KALRN: variants seen among roughly 807,000 people sequenced by gnomAD.
KALRN encodes the protein kalirin.
KALRN carries 70 observed loss-of-function variants against 353.7 expected under a neutral mutation model. The observed-to-expected ratio is 0.20, with a 90% CI of 0.16 to 0.24. The LOEUF (loss-of-function observed/expected upper bound fraction) is 0.24. KALRN is among the 10% of genes least tolerant of loss of function. The probability of loss-of-function intolerance (pLI) is 1.00; values close to 1 mark genes in which losing one functional copy is unlikely to be tolerated. For missense variants in KALRN, 2,791 were observed against 3,756.7 expected (o/e 0.74, Z 6.72); for synonymous variants, 1,391 against 1,434.8 (o/e 0.97, Z 0.69).
intron 10 of KALRN, among the ~76,000 whole-genome samples, chr3:124,360,578 C>G (rs2083920796): frequency 6.6e-6 from 1 of 152,184 alleles, no homozygotes; most frequent in Admixed American, 6.5e-5. Flanking sequence ...GTTAATGTCT[C>G]TCAGAGAGCA....
Position 124,723,152 on chromosome 3 carries a change from G to C in KALRN, c.*3682G>C, listed in dbSNP as rs2063380034. ...AGAAAGCTAGCTTCACTGCTTTGTGGTCCACAAAGCCTTTATAAATAGTAG... is the reference window on the plus strand; with the variant it reads ...AGAAAGCTAGCTTCACTGCTTTGTGCTCCACAAAGCCTTTATAAATAGTAG... On this transcript the variant is annotated 3_prime_UTR_variant, in exon 60 of 60. Transcript: ENST00000682506. The C allele has an allele frequency of 1.3e-5, 2 of 152,172 alleles. No individual in the cohort carries two copies. The highest frequency in any genetic ancestry group is 4.8e-5 in the African/African-American group (2 of 41,438). The allele number at this position is 152,172 out of a possible 1,614,324, so 9.4% of individuals were successfully genotyped here. A position where few individuals can be genotyped will look rare whatever the true frequency, so the allele number is the denominator to read the frequency against.
At chr3:124,275,852 C>G (rs964107048) in intron 5 of KALRN, among the ~76,000 whole-genome samples, 1 of 151,770 alleles carries the variant, frequency 6.6e-6, no homozygotes, top group Non-Finnish European at 1.5e-5. Flanking sequence ...ATGCAGTGCC[C>G]CTGGGCAGGG....
chr3:124,562,614 A>G, intron 33 of KALRN: 1 of 350,602 alleles, frequency 2.9e-6, no homozygotes, highest in South Asian at 2.2e-5. Context: ...ATTGAATAGC[A>G]CTGTGCTAAT....
At chr3:124,227,323 G>A (rs73186285) in intron 1 of KALRN, among the ~76,000 whole-genome samples, 6,810 of 152,238 alleles carry the variant, frequency 0.045, 292 homozygotes, top group East Asian at 0.18. Flanking sequence ...CAGGAGATTT[G>A]TATCTCCCCA....
chr3:124,369,899 G>A (rs1202505939), intron 10 of KALRN, among the ~76,000 whole-genome samples: 1 of 152,032 alleles, frequency 6.6e-6, no homozygotes, highest in Non-Finnish European at 1.5e-5. Context: ...ATCCCGCTTA[G>A]CATAACATAT....
intron 5 of KALRN, among the ~76,000 whole-genome samples, chr3:124,272,473 C>G (rs925113392): frequency 6.6e-6 from 1 of 152,026 alleles, no homozygotes; most frequent in Non-Finnish European, 1.5e-5. Flanking sequence ...ATATATGATC[C>G]CTGAATTCTA....
At chr3:124,165,537 TGTC>T (rs759851871) in intron 1 of KALRN, among the ~76,000 whole-genome samples, 6 of 152,214 alleles carry the variant, frequency 3.9e-5, no homozygotes, top group African/African-American at 7.2e-5. Context: ...CCCTCCAACA[TGTC>T]GTCATGTTTC....
At position 124,545,766 on chromosome 3, in the gene KALRN, A is replaced by T. The variant is rs183064715; in HGVS notation, c.4936-17077A>T. Among the ~76,000 whole-genome samples, 13 of 152,336 alleles carry T rather than the reference A, an allele frequency of 8.5e-5. No homozygotes were observed. In the East Asian group the frequency reaches 2.5e-3, roughly 29 times the overall value. On this transcript the variant is annotated intron_variant, in intron 33 of 59. Transcript: ENST00000682506. Reference sequence around the variant, plus strand: ...GGTATGGGATGCTGGCTGAGACTTTATGATGCAGCCTCACCTTGATGATGC... The same window carrying T: ...GGTATGGGATGCTGGCTGAGACTTTTTGATGCAGCCTCACCTTGATGATGC...
Position 124,622,414 on chromosome 3 carries a change from A to AT in KALRN, c.5183-10005dup, listed in dbSNP as rs564249745. 3.9e-5 allele frequency among the ~76,000 whole-genome samples: 6 copies of AT among 152,354 alleles called. No homozygotes were observed. In the East Asian group the frequency reaches 1.2e-3, roughly 29 times the overall value. ...TTTTAACAATCACATGATGCATTAT[A>AT]TAGAAGACATGCCTTTGGGGTGTGC... On this transcript the variant is annotated intron_variant, in intron 34 of 59. Coordinates refer to ENST00000682506, the MANE Select transcript of KALRN (RefSeq NM_001388419.1).
chr3:124,213,568 C>G (rs2077070002), intron 1 of KALRN, among the ~76,000 whole-genome samples: 1 of 152,058 alleles, frequency 6.6e-6, no homozygotes, highest in South Asian at 2.1e-4. Context: ...TTGAAAATCC[C>G]TTTGGCACAT....
At chr3:124,065,806 G>T (rs1337837613) in intron 1 of KALRN, among the ~76,000 whole-genome samples, 1 of 152,136 alleles carries the variant, frequency 6.6e-6, no homozygotes, top group Non-Finnish European at 1.5e-5. Context: ...CACATGGAAT[G>T]CTTAGATCAG....
At chr3:124,242,637 C>T (rs6794049) in intron 3 of KALRN, among the ~76,000 whole-genome samples, 8,870 of 152,254 alleles carry the variant, frequency 0.058, 491 homozygotes, top group African/African-American at 0.14. Flanking sequence ...GGGACCACTA[C>T]GCTTCAGACT....
intron 10 of KALRN, among the ~76,000 whole-genome samples, chr3:124,382,778 C>T (rs917648651): frequency 6.6e-6 from 1 of 152,174 alleles, no homozygotes; most frequent in Non-Finnish European, 1.5e-5. Flanking sequence ...ATACCTCTCT[C>T]CCATCAGCTG....
At chr3:124,696,024 G>T (rs2062034233) in intron 53 of KALRN, 110 bp from the exon 54 acceptor site, 1 of 1,111,430 alleles carries the variant, frequency 9.0e-7, no homozygotes, top group South Asian at 1.5e-5. Flanking sequence ...ACTGACCTCG[G>T]GCCTGAGGAC....
At chr3:124,714,753 C>T (rs532557538) in intron 58 of KALRN, among the ~76,000 whole-genome samples, 45 of 152,118 alleles carry the variant, frequency 3.0e-4, no homozygotes, top group Non-Finnish European at 5.9e-4. Context: ...CGATGGCTCA[C>T]GCCTGTAATT....
At chr3:124,218,975 A>G (rs1231655801) in intron 1 of KALRN, among the ~76,000 whole-genome samples, 4 of 152,242 alleles carry the variant, frequency 2.6e-5, no homozygotes, top group Admixed American at 1.3e-4. Context: ...TAGAAAGTTC[A>G]TATTGAAATT....
At chr3:124,198,594 C>G (rs950194090) in intron 1 of KALRN, among the ~76,000 whole-genome samples, 2 of 152,174 alleles carry the variant, frequency 1.3e-5, no homozygotes, top group African/African-American at 4.8e-5. Context: ...GGCAACATCC[C>G]TCAAACAAAA....
At chr3:124,679,250 G>A (rs2087526232) in intron 50 of KALRN, among the ~76,000 whole-genome samples, 1 of 152,216 alleles carries the variant, frequency 6.6e-6, no homozygotes, top group African/African-American at 2.4e-5. Flanking sequence ...GAGATAAGCA[G>A]TTGTACACAA....
At chr3:124,076,178 T>C (rs574310139) in intron 1 of KALRN, among the ~76,000 whole-genome samples, 3 of 152,310 alleles carry the variant, frequency 2.0e-5, no homozygotes, top group African/African-American at 7.2e-5. Context: ...GTGAAACCTC[T>C]TTGGAGATAT....
Sources: allele counts gnomAD v4.1 joint callset (sites outside exome capture counted in the v4.1 genomes callset), GRCh38; gene constraint gnomAD v4.1.1; transcripts MANE v1.5; gene names NCBI Gene and HGNC (gene_info 2026-07-23, HGNC 2026-07-21).